Variants in HEMK2 observed in about 807,000 individuals in gnomAD.
HEMK2 encodes HemK methyltransferase 2, ETF1 glutamine and histone H4 lysine, also known as methyltransferase HEMK2.
At chr21:28,754,767 C>T in the HEMK2 span, among the ~76,000 whole-genome samples, 3 of 152,096 alleles carry the variant, frequency 2.0e-5, no homozygotes, top group Non-Finnish European at 4.4e-5. Context: ...ATACACAAGG[C>T]ACTTTGTTGG....
At chr21:28,723,553 C>T in the HEMK2 span, among the ~76,000 whole-genome samples, 1 of 152,240 alleles carries the variant, frequency 6.6e-6, no homozygotes, top group Non-Finnish European at 1.5e-5. Flanking sequence ...AAAGATGGAA[C>T]AAAAGGAAGA....
At chr21:28,692,195 C>T in the HEMK2 span, among the ~76,000 whole-genome samples, 701 of 152,234 alleles carry the variant, frequency 4.6e-3, 8 homozygotes, top group African/African-American at 0.016. Flanking sequence ...CCTGGACATT[C>T]TATGATTCCA....
chr21:28,666,990 A>C, the HEMK2 span, among the ~76,000 whole-genome samples: 2,537 of 152,254 alleles, frequency 0.017, 72 homozygotes, highest in African/African-American at 0.056. Flanking sequence ...AGAATTTGGA[A>C]TCATAAAACT....
At chr21:28,722,999 ATTTCT>A in the HEMK2 span, among the ~76,000 whole-genome samples, 1 of 150,966 alleles carries the variant, frequency 6.6e-6, no homozygotes, top group Non-Finnish European at 1.5e-5. Context: ...GGCCTTGTAG[ATTTCT>A]TTTATTAAAA....
chr21:28,698,065 C>T, the HEMK2 span, among the ~76,000 whole-genome samples: 1 of 152,194 alleles, frequency 6.6e-6, no homozygotes. Context: ...ATGGATCTCA[C>T]TCATGAAGGT....
the HEMK2 span, among the ~76,000 whole-genome samples, chr21:28,870,782 G>A: frequency 1.3e-5 from 2 of 152,054 alleles, no homozygotes; most frequent in African/African-American, 4.8e-5. Context: ...TTTTATTTTT[G>A]TTATTAATTT....
the HEMK2 span, among the ~76,000 whole-genome samples, chr21:28,637,192 T>C: frequency 6.6e-6 from 1 of 152,194 alleles, no homozygotes; most frequent in Admixed American, 6.5e-5. Context: ...CACAATTTTG[T>C]GGGCAGAAAG....
chr21:28,691,334 T>A, the HEMK2 span, among the ~76,000 whole-genome samples: 1 of 152,214 alleles, frequency 6.6e-6, no homozygotes, highest in Admixed American at 6.5e-5. Flanking sequence ...CCAAAGATAA[T>A]CAATTAATTT....
chr21:28,863,410 T>C, the HEMK2 span, among the ~76,000 whole-genome samples: 3 of 38,938 alleles, frequency 7.7e-5, no homozygotes, highest in African/African-American at 1.4e-4. Flanking sequence ...AAACTCCCTT[T>C]TATATATATA....
chr21:28,774,521 G>A, the HEMK2 span, among the ~76,000 whole-genome samples: 1,717 of 152,192 alleles, frequency 0.011, 24 homozygotes, highest in Middle Eastern at 0.024. Context: ...CCAGGAGTTC[G>A]AGGTTACAAT....
At chr21:28,764,189 A>G in the HEMK2 span, among the ~76,000 whole-genome samples, 13 of 152,202 alleles carry the variant, frequency 8.5e-5, no homozygotes, top group South Asian at 2.7e-3. Context: ...CTGGGTACTT[A>G]GCCAACCTAA....
chr21:28,809,002 G>GT, the HEMK2 span, among the ~76,000 whole-genome samples: 9 of 152,166 alleles, frequency 5.9e-5, no homozygotes, highest in Admixed American at 5.9e-4. Flanking sequence ...ACTTTTGCTA[G>GT]TTTGTGCAAA....
At chr21:28,882,999 A>G in the HEMK2 span, 2 of 1,601,180 alleles carry the variant, frequency 1.2e-6, no homozygotes, top group Non-Finnish European at 1.7e-6. Flanking sequence ...ACAAAGCCTG[A>G]GGGCCTATCA....
At chr21:28,667,099 T>C in the HEMK2 span, among the ~76,000 whole-genome samples, 1 of 152,166 alleles carries the variant, frequency 6.6e-6, no homozygotes, top group Non-Finnish European at 1.5e-5. Flanking sequence ...GTAGACTTGT[T>C]ATTAGAAATA....
At chr21:28,869,756 C>T in the HEMK2 span, among the ~76,000 whole-genome samples, 1 of 152,184 alleles carries the variant, frequency 6.6e-6, no homozygotes, top group African/African-American at 2.4e-5. Context: ...GGACAAAGCA[C>T]ATTAGATTAT....
chr21:28,844,151 T>C, the HEMK2 span, among the ~76,000 whole-genome samples: 1 of 152,076 alleles, frequency 6.6e-6, no homozygotes, highest in Middle Eastern at 3.2e-3. Context: ...ATATCCTCCA[T>C]AGTGGTCAAT....
the HEMK2 span, among the ~76,000 whole-genome samples, chr21:28,758,467 C>T: frequency 2.0e-5 from 3 of 152,204 alleles, no homozygotes; most frequent in East Asian, 1.9e-4. Flanking sequence ...ACTCATCCAT[C>T]GCAGAGAACC....
the HEMK2 span, among the ~76,000 whole-genome samples, chr21:28,676,273 C>A: frequency 6.6e-6 from 1 of 152,162 alleles, no homozygotes; most frequent in African/African-American, 2.4e-5. Flanking sequence ...CTGGTAGATT[C>A]CTGTGTCTAC....
chr21:28,720,364 G>A, the HEMK2 span, among the ~76,000 whole-genome samples: 1 of 152,284 alleles, frequency 6.6e-6, no homozygotes, highest in East Asian at 1.9e-4. Flanking sequence ...TATGAATAAT[G>A]AGAATCAACT....
Sources: allele counts gnomAD v4.1 joint callset (sites outside exome capture counted in the v4.1 genomes callset), GRCh38; gene constraint gnomAD v4.1.1; transcripts MANE v1.5; gene names NCBI Gene and HGNC (gene_info 2026-07-23, HGNC 2026-07-21).